The following ANO2 variants were observed in gnomAD, a reference collection of about 807,000 sequenced individuals.
ANO2 encodes anoctamin-2.
ANO2 carries 101 observed loss-of-function variants against 124.2 expected under a neutral mutation model. That is an observed-to-expected ratio of 0.81 (90% confidence interval 0.69 to 0.96). The LOEUF (loss-of-function observed/expected upper bound fraction) is 0.96, where lower values mean the gene tolerates loss of function less well. Ranked by LOEUF, ANO2 falls within the 40% of genes least tolerant of loss-of-function variation. The pLI is 0.00. For synonymous variants in ANO2, 486 were observed against 482.5 expected (o/e 1.01, Z -0.09); for missense variants, 1,293 against 1,274.5 (o/e 1.01, Z -0.22).
chr12:5,924,225 C>T (rs1253514429), intron 1 of ANO2, among the ~76,000 whole-genome samples: 1 of 152,236 alleles, frequency 6.6e-6, no homozygotes, highest in African/African-American at 2.4e-5. Flanking sequence ...AGGTGCTCAG[C>T]CCTCCAGCGC....
intron 1 of ANO2, among the ~76,000 whole-genome samples, chr12:5,934,839 G>A (rs187414777): frequency 6.6e-6 from 1 of 152,240 alleles, no homozygotes; most frequent in Admixed American, 6.5e-5. Context: ...CCTCCTGGGT[G>A]TAACCAAGAT....
At chr12:5,719,015 G>A (rs7306492) in intron 14 of ANO2, among the ~76,000 whole-genome samples, 238 of 152,278 alleles carry the variant, frequency 1.6e-3, no homozygotes, top group African/African-American at 5.3e-3. Context: ...CAGCCCTTCT[G>A]ACACCTTCCT....
chr12:5,796,412 ACT>A (rs1491043514), intron 10 of ANO2, among the ~76,000 whole-genome samples: 2 of 150,018 alleles, frequency 1.3e-5, no homozygotes, highest in African/African-American at 4.9e-5. Flanking sequence ...ACACACACAC[ACT>A]CTCATACTCT....
intron 21 of ANO2, 131 bp from the exon 22 acceptor site, chr12:5,578,138 G>A: frequency 1.6e-6 from 2 of 1,287,696 alleles, no homozygotes; most frequent in African/African-American, 1.5e-5. Context: ...GAATGGGCTT[G>A]TCTGGAAAGG....
chr12:5,898,738 G>C (rs1379751788), intron 3 of ANO2, among the ~76,000 whole-genome samples: 1 of 152,220 alleles, frequency 6.6e-6, no homozygotes, highest in Non-Finnish European at 1.5e-5. Context: ...GGTGGGGGTA[G>C]GGTCACGACT....
chr12:5,660,029 C>T (rs1337324031), intron 14 of ANO2, among the ~76,000 whole-genome samples: 1 of 152,190 alleles, frequency 6.6e-6, no homozygotes, highest in African/African-American at 2.4e-5. Flanking sequence ...AATAGAGAGG[C>T]CAGCCTAAAG....
At chr12:5,827,938 A>T in intron 6 of ANO2, 118 bp from the exon 7 acceptor site, 1 of 1,108,830 alleles carries the variant, frequency 9.0e-7, no homozygotes, top group South Asian at 1.6e-5. Context: ...TGGAGCCAGG[A>T]CGAAGCCAAG....
At chr12:5,754,337 GT>G (rs1205540906) in intron 10 of ANO2, among the ~76,000 whole-genome samples, 7 of 152,096 alleles carry the variant, frequency 4.6e-5, no homozygotes, top group Non-Finnish European at 5.9e-5. Flanking sequence ...TTGTTGAATA[GT>G]TTTGCATCTA....
chr12:5,932,819 C>A (rs1942475694), intron 1 of ANO2, among the ~76,000 whole-genome samples: 2 of 152,122 alleles, frequency 1.3e-5, no homozygotes, highest in Admixed American at 1.3e-4. Flanking sequence ...AAGAAGGATC[C>A]ATGGAAGCAG....
At chr12:5,829,625 C>T (rs1487875732) in intron 6 of ANO2, among the ~76,000 whole-genome samples, 1 of 152,188 alleles carries the variant, frequency 6.6e-6, no homozygotes, top group Admixed American at 6.5e-5. Flanking sequence ...AATGCACTTC[C>T]ATACGTCCCA....
intron 3 of ANO2, among the ~76,000 whole-genome samples, chr12:5,898,873 C>T (rs1939978726): frequency 6.6e-6 from 1 of 152,146 alleles, no homozygotes. Context: ...AATTTGTGTA[C>T]TATTCTGATA....
rs1952164083 is a variant in ANO2, at chr12:5,774,208, A to T, written c.1056-23238T>A. 2.0e-5 allele frequency among the ~76,000 whole-genome samples: 3 copies of T among 152,218 alleles called. No individual in the cohort carries two copies. In the South Asian group the frequency reaches 6.2e-4, roughly 32 times the overall value. On this transcript the variant is annotated intron_variant, in intron 10 of 24. Transcript: ENST00000682330. The stretch of plus-strand genomic sequence containing the variant: ...AGTGGCTCACACCTATAATCCCAGC[A>T]CTTTGGGAGGGCAAGGTGGGCGGAT...
intron 14 of ANO2, among the ~76,000 whole-genome samples, chr12:5,663,948 T>A (rs963195882): frequency 1.3e-5 from 2 of 152,198 alleles, no homozygotes; most frequent in African/African-American, 2.4e-5. Flanking sequence ...ATGCTTAGTG[T>A]TCTAACAGAG....
chr12:5,607,717 G>T (rs1373609377), intron 19 of ANO2, among the ~76,000 whole-genome samples: 2 of 152,116 alleles, frequency 1.3e-5, no homozygotes, highest in Non-Finnish European at 2.9e-5. Context: ...ATTCTCACAG[G>T]AGCGTGAACC....
intron 9 of ANO2, among the ~76,000 whole-genome samples, chr12:5,801,142 G>A (rs1417809686): frequency 5.9e-5 from 9 of 152,192 alleles, no homozygotes; most frequent in Admixed American, 5.9e-4. Flanking sequence ...TGGCTTTGAG[G>A]TCACTGATCA....
At chr12:5,702,323 TA>T (rs1174045608) in intron 14 of ANO2, among the ~76,000 whole-genome samples, 1 of 152,036 alleles carries the variant, frequency 6.6e-6, no homozygotes, top group Admixed American at 6.6e-5. Flanking sequence ...TAAATTCCAT[TA>T]AAAAAATCAA....
chr12:5,825,752 T>C (rs963672299), intron 7 of ANO2, among the ~76,000 whole-genome samples: 11 of 152,162 alleles, frequency 7.2e-5, no homozygotes, highest in African/African-American at 1.4e-4. Flanking sequence ...GGAGATTCGT[T>C]AGGGCATCTC....
At chr12:5,921,448 C>A in intron 2 of ANO2, 82 bp from the exon 3 acceptor site, 1 of 1,386,006 alleles carries the variant, frequency 7.2e-7, no homozygotes, top group Non-Finnish European at 9.8e-7. Context: ...ATGCTCTGGG[C>A]TCAGGGAAAC....
At chr12:5,849,634 A>T (rs1390465531) in intron 4 of ANO2, among the ~76,000 whole-genome samples, 1 of 152,026 alleles carries the variant, frequency 6.6e-6, no homozygotes. Context: ...CTCCCAGTTA[A>T]TATCTGTGCT....
Sources: allele counts gnomAD v4.1 joint callset (sites outside exome capture counted in the v4.1 genomes callset), GRCh38; gene constraint gnomAD v4.1.1; transcripts MANE v1.5; gene names NCBI Gene and HGNC (gene_info 2026-07-23, HGNC 2026-07-21).